Variants in USH2A observed in about 807,000 individuals in gnomAD.
The protein encoded by USH2A is Usher syndrome 2A (autosomal recessive, mild).
Under a neutral mutation model 538.9 loss-of-function variants are expected in USH2A, and 443 were observed. That is an observed-to-expected ratio of 0.82 (90% CI 0.76 to 0.89). The LOEUF is 0.89. Among genes scored for constraint, USH2A ranks in the 40% least tolerant of loss-of-function variants. The probability of loss-of-function intolerance (pLI) is 0.00; values close to 1 mark genes in which losing one functional copy is unlikely to be tolerated. For missense variants in USH2A, 6,633 were observed against 6,324.8 expected (o/e 1.05, Z -1.65); for synonymous variants, 2,413 against 2,273.5 (o/e 1.06, Z -1.75).
intron 71 of USH2A, among the ~76,000 whole-genome samples, chr1:215,626,652 G>T (rs976799175): frequency 6.6e-6 from 1 of 152,062 alleles, no homozygotes. Context: ...ACCGTAAAAA[G>T]CAAGCAAAAA....
At chr1:215,977,677 T>A (rs1029272332) in intron 35 of USH2A, among the ~76,000 whole-genome samples, 1 of 152,008 alleles carries the variant, frequency 6.6e-6, no homozygotes, top group African/African-American at 2.4e-5. Flanking sequence ...CACGCCCAAC[T>A]AATTTTTGTG....
At chr1:215,727,464 C>T (rs564694089) in intron 61 of USH2A, among the ~76,000 whole-genome samples, 4 of 152,250 alleles carry the variant, frequency 2.6e-5, no homozygotes, top group East Asian at 1.9e-4. Flanking sequence ...CAGTGGCTTA[C>T]GCCTGTAATC....
At position 216,168,612 on chromosome 1, in the gene USH2A, T is replaced by C. The variant is rs535684511; in HGVS notation, c.4627+6640A>G. Among the ~76,000 whole-genome samples, 27 of 152,260 alleles carry C rather than the reference T, an allele frequency of 1.8e-4. 1 individual carries two copies. In the South Asian group the frequency reaches 5.0e-3, roughly 28 times the overall value. ...TTGCCTGGGGACCTGTCTGCCTTTG[T>C]ATGACTAACAAATTTGCTACAAGAT... On this transcript the variant is annotated intron_variant, in intron 21 of 71. Transcript: ENST00000307340.
chr1:215,877,520 C>T (rs1433312194), intron 43 of USH2A, among the ~76,000 whole-genome samples: 6 of 152,116 alleles, frequency 3.9e-5, no homozygotes, highest in African/African-American at 1.4e-4. Flanking sequence ...TAGGTTAAGG[C>T]TTGAACATCT....
At chr1:215,684,969 C>T (rs1175924844) in intron 61 of USH2A, among the ~76,000 whole-genome samples, 1 of 151,936 alleles carries the variant, frequency 6.6e-6, no homozygotes, top group Non-Finnish European at 1.5e-5. Flanking sequence ...GTTGAACTGC[C>T]GAGATCCTTT....
intron 61 of USH2A, among the ~76,000 whole-genome samples, chr1:215,716,068 G>A (rs12029094): frequency 0.35 from 53,834 of 152,056 alleles, 10,167 homozygotes; most frequent in Middle Eastern, 0.53. Flanking sequence ...GAAGGAATTC[G>A]AACAGCAGCC....
intron 32 of USH2A, among the ~76,000 whole-genome samples, chr1:216,045,654 C>G (rs2030480167): frequency 6.6e-6 from 1 of 152,212 alleles, no homozygotes; most frequent in South Asian, 2.1e-4. Context: ...TGGGAAAACA[C>G]TGGCTCCCAA....
intron 60 of USH2A, among the ~76,000 whole-genome samples, chr1:215,734,994 AG>A (rs1660117026): frequency 6.6e-6 from 1 of 152,138 alleles, no homozygotes; most frequent in South Asian, 2.1e-4. Context: ...CCACATTTTC[AG>A]GTATCTTCAT....
intron 3 of USH2A, among the ~76,000 whole-genome samples, chr1:216,377,705 G>T (rs933821878): frequency 2.8e-5 from 4 of 143,630 alleles, no homozygotes; most frequent in African/African-American, 1.0e-4. Context: ...GAGCAGGGGA[G>T]AGCAGGGGAG....
chr1:215,778,068 T>C (rs77193996), intron 55 of USH2A, among the ~76,000 whole-genome samples: 1 of 151,934 alleles, frequency 6.6e-6, no homozygotes, highest in East Asian at 1.9e-4. Flanking sequence ...TTTTTTTTTT[T>C]TGAGACAGAG....
chr1:215,980,676 C>A lies in USH2A; in HGVS notation c.6806-9900G>T, dbSNP rs78603406. ...ATCCCTTAACAACATAATTAAGTTT[C>A]TCATGGTTTTCTAACTTATATTAAT... On this transcript the variant is annotated intron_variant, in intron 35 of 71. Coordinates refer to ENST00000307340, the MANE Select transcript of USH2A (RefSeq NM_206933.4). Among the ~76,000 whole-genome samples the A allele has an allele frequency of 6.0e-3, 916 of 152,064 alleles. 10 individuals carry two copies. Among genetic ancestry groups the A allele is most frequent in the African/African-American group, 0.021 (863 of 41,502 alleles).
chr1:216,005,989 G>A (rs561695007), intron 32 of USH2A, among the ~76,000 whole-genome samples: 1 of 152,074 alleles, frequency 6.6e-6, no homozygotes, highest in African/African-American at 2.4e-5. Context: ...CCTAGTTAAC[G>A]CATGCCCCCA....
Position 216,386,833 on chromosome 1 carries a change from C to T in USH2A, c.652-21748G>A, listed in dbSNP as rs377564059. On this transcript the variant is annotated intron_variant, in intron 3 of 71. Transcript: ENST00000307340. ...TCACGCCACTGCAATCCAGCCTGGG[C>T]GACAGAGTGAGACTCCGTCTCAATG... 2.6e-4 allele frequency among the ~76,000 whole-genome samples: 39 copies of T among 151,976 alleles called. No individual in the cohort carries two copies. The East Asian group carries it at 7.4e-3, about 29-fold the overall frequency.
intron 61 of USH2A, among the ~76,000 whole-genome samples, chr1:215,685,083 G>A (rs988050259): frequency 6.6e-6 from 1 of 152,060 alleles, no homozygotes; most frequent in Admixed American, 6.6e-5. Flanking sequence ...AGCAGTTCGA[G>A]CTCCCATTAA....
In USH2A at chr1:215,648,757, C is replaced by T; in HGVS notation, c.14353G>A (p.Gly4785Ser). The T allele has an allele frequency of 6.2e-7, 1 of 1,613,960 alleles. No individual in the cohort carries two copies. The highest frequency in any genetic ancestry group is 8.5e-7 in the Non-Finnish European group (1 of 1,179,926). The change falls in exon 66 of 72, where the codon GGC becomes AGC. Residue 4785 changes from glycine (G) to serine (S), a missense_variant. Physicochemically the swap from Gly to Ser is moderately conservative, Grantham distance 56. Coordinates refer to ENST00000307340, the MANE Select transcript of USH2A (RefSeq NM_206933.4). ...TGGAGAGTCTGCTGGGTGGCCATGC[C>T]TTCGGATAGCTGTGGAAGGAAGGAA... is the stretch of plus-strand genomic sequence containing the variant. ...AHGAETVLSEGMATQQTLHGL... is the reference protein window; with the variant it reads ...AHGAETVLSESMATQQTLHGL...
At chr1:216,385,816 G>A (rs2038994188) in intron 3 of USH2A, among the ~76,000 whole-genome samples, 1 of 152,116 alleles carries the variant, frequency 6.6e-6, no homozygotes, top group South Asian at 2.1e-4. Flanking sequence ...ACCAGTCACT[G>A]TTTGCCATCA....
At chr1:215,933,360 AT>A (rs1288009758) in intron 38 of USH2A, among the ~76,000 whole-genome samples, 1 of 151,974 alleles carries the variant, frequency 6.6e-6, no homozygotes, top group Non-Finnish European at 1.5e-5. Flanking sequence ...TTTTAAATAA[AT>A]ATATCTAAAT....
chr1:215,902,348 C>A (rs1391167670), intron 38 of USH2A, among the ~76,000 whole-genome samples: 1 of 152,162 alleles, frequency 6.6e-6, no homozygotes, highest in Non-Finnish European at 1.5e-5. Context: ...AATTAGATTA[C>A]ATGTTTCATC....
chr1:216,420,656 T>TA lies in USH2A; in HGVS notation c.485+1195dup, dbSNP rs1558081400. Among the ~76,000 whole-genome samples, 5 of 152,302 alleles carry TA rather than the reference T, an allele frequency of 3.3e-5. No individual in the cohort carries two copies. In the South Asian group the frequency reaches 1.0e-3, roughly 32 times the overall value. ...TCCCTACAAGCTCAGAAGGATATTTTATCTTAGCCCTATTTGTCAAAAGAC... is the reference window on the plus strand; with the variant it reads ...TCCCTACAAGCTCAGAAGGATATTTTAATCTTAGCCCTATTTGTCAAAAGAC... On this transcript the variant is annotated intron_variant, in intron 2 of 71. Transcript: ENST00000307340.
Sources: gnomAD v4.1 joint callset for allele counts (sites outside exome capture counted in the v4.1 genomes callset) on GRCh38, gnomAD v4.1.1 for gene constraint, MANE v1.5 for transcripts, NCBI Gene and HGNC (gene_info 2026-07-23, HGNC 2026-07-21) for gene names.